Variants in KCNK2 observed in about 807,000 individuals in gnomAD.
The protein encoded by KCNK2 is potassium two pore domain channel subfamily K member 2.
KCNK2 carries 21 observed loss-of-function variants against 40.5 expected under a neutral mutation model. That is an observed-to-expected ratio of 0.52 (90% confidence interval 0.37 to 0.75). KCNK2 has a LOEUF of 0.75. KCNK2 is among the 30% of genes least tolerant of loss of function. The pLI is 0.00. For missense variants in KCNK2, 399 were observed against 531.6 expected (o/e 0.75, Z 2.45); for synonymous variants, 191 against 202.2 (o/e 0.94, Z 0.47).
At chr1:215,159,181 A>G (rs916241614) in intron 3 of KCNK2, among the ~76,000 whole-genome samples, 13 of 152,190 alleles carry the variant, frequency 8.5e-5, no homozygotes, top group African/African-American at 2.2e-4. Flanking sequence ...ATAAGAGCAG[A>G]TAAGAGACAA....
At chr1:215,143,387 G>C (rs1662272581) in intron 3 of KCNK2, among the ~76,000 whole-genome samples, 1 of 152,016 alleles carries the variant, frequency 6.6e-6, no homozygotes, top group South Asian at 2.1e-4. Flanking sequence ...GGTATCAGTG[G>C]GTTTTAAAAT....
Position 215,124,715 on chromosome 1 carries a change from CCTT to C in KCNK2, c.447_449del (p.Phe150del). The C allele has an allele frequency of 6.2e-7, 1 of 1,611,446 alleles. No homozygotes were observed. Among genetic ancestry groups the C allele is most frequent in the Non-Finnish European group, 8.5e-7 (1 of 1,177,686 alleles). On this transcript the variant is annotated inframe_deletion, in exon 3 of 7. Transcript: ENST00000444842. ...ATCAGTCACTGGGATTTGGGAAGTT[CCTT>C]CTTCTTTGCTGGCACTGTTATTACA...
rs2102525679 is a variant in KCNK2 at position 215,083,111 on chromosome 1, C to T, written c.-275C>T. On this transcript the variant is annotated 5_prime_UTR_variant, in exon 1 of 7. Coordinates refer to ENST00000444842, the MANE Select transcript of KCNK2 (RefSeq NM_001017425.3). ...CAGGCGCGCGCGGGGGCGGCGGCGCCCAAGCCCAACTTGGCCTCCGCCTCG... is the reference window on the plus strand; with the variant it reads ...CAGGCGCGCGCGGGGGCGGCGGCGCTCAAGCCCAACTTGGCCTCCGCCTCG... 2 of 569,386 alleles carry T rather than the reference C, an allele frequency of 3.5e-6. No individual in the cohort carries two copies. Among genetic ancestry groups the T allele is most frequent in the Non-Finnish European group, 5.8e-6 (2 of 343,450 alleles). 35.3% of individuals were successfully genotyped at this position (569,386 alleles called of 1,614,324 possible).
intron 3 of KCNK2, among the ~76,000 whole-genome samples, chr1:215,168,499 T>C (rs776581654): frequency 1.2e-4 from 19 of 152,158 alleles, no homozygotes; most frequent in Non-Finnish European, 2.1e-4. Context: ...GTGGTACATA[T>C]ACACCATGGA....
At chr1:215,143,156 A>G (rs771666759) in intron 3 of KCNK2, among the ~76,000 whole-genome samples, 1 of 152,030 alleles carries the variant, frequency 6.6e-6, no homozygotes, top group Non-Finnish European at 1.5e-5. Context: ...TTTAAATTGA[A>G]TTTCTAACAT....
chr1:215,229,889 T>A (rs926700200), intron 6 of KCNK2, among the ~76,000 whole-genome samples: 7 of 151,794 alleles, frequency 4.6e-5, no homozygotes, highest in African/African-American at 1.7e-4. Context: ...AAAAGATGTT[T>A]AGGCCTTAGA....
chr1:215,033,439 T>C (rs553174434), intron 1 of KCNK2, among the ~76,000 whole-genome samples: 119 of 152,286 alleles, frequency 7.8e-4, no homozygotes, highest in African/African-American at 2.7e-3. Context: ...ATGTGATTTT[T>C]TTTCTTGAAA....
At chr1:215,119,251 A>C (rs1661077523) in intron 2 of KCNK2, among the ~76,000 whole-genome samples, 1 of 152,158 alleles carries the variant, frequency 6.6e-6, no homozygotes, top group Admixed American at 6.5e-5. Context: ...AGTCCCATAT[A>C]CTTACAAGTA....
At chr1:215,078,529 C>T (rs906397699), upstream of KCNK2, among the ~76,000 whole-genome samples, 2 of 152,090 alleles carry the variant, frequency 1.3e-5, no homozygotes, top group African/African-American at 4.8e-5. Flanking sequence ...ATGCCAGATT[C>T]TTATAAAACC....
chr1:215,164,699 A>T (rs1306063770), intron 3 of KCNK2, among the ~76,000 whole-genome samples: 2 of 152,136 alleles, frequency 1.3e-5, no homozygotes, highest in East Asian at 3.9e-4. Flanking sequence ...TTCTACTCAG[A>T]TTCAGATCAC....
At chr1:215,191,537 G>A (rs888264500) in intron 5 of KCNK2, among the ~76,000 whole-genome samples, 3 of 152,064 alleles carry the variant, frequency 2.0e-5, no homozygotes, top group African/African-American at 7.2e-5. Flanking sequence ...CTCTGACTGA[G>A]TTCCTTACAC....
intron 2 of KCNK2, among the ~76,000 whole-genome samples, chr1:215,109,034 A>G (rs1470448189): frequency 6.6e-6 from 1 of 151,904 alleles, no homozygotes; most frequent in African/African-American, 2.4e-5. Context: ...TCATTCATAT[A>G]TATATGCATA....
At chr1:215,179,846 G>A (rs1664153416) in intron 5 of KCNK2, among the ~76,000 whole-genome samples, 1 of 152,104 alleles carries the variant, frequency 6.6e-6, no homozygotes, top group Non-Finnish European at 1.5e-5. Flanking sequence ...GTGGTTGATG[G>A]ATGGAGTATT....
chr1:215,037,002 CTT>C (rs3033912), intron 1 of KCNK2, among the ~76,000 whole-genome samples: 37 of 125,824 alleles, frequency 2.9e-4, no homozygotes, highest in African/African-American at 7.8e-4. Context: ...CCTTTTATTC[CTT>C]TTTTTTTTTT....
chr1:215,145,681 A>G (rs896889825), intron 3 of KCNK2, among the ~76,000 whole-genome samples: 1 of 152,196 alleles, frequency 6.6e-6, no homozygotes, highest in African/African-American at 2.4e-5. Context: ...TTATTGTTTG[A>G]TGCCAAGTCT....
At chr1:215,019,068 A>G (rs1656696578) in intron 1 of KCNK2, among the ~76,000 whole-genome samples, 1 of 152,116 alleles carries the variant, frequency 6.6e-6, no homozygotes, top group South Asian at 2.1e-4. Context: ...TGTCCTACGT[A>G]TCTGATAACA....
In KCNK2 at chr1:215,161,420, C is replaced by CT. The variant is rs372740342; in HGVS notation, c.476-7768dup. On this transcript the variant is annotated intron_variant, in intron 3 of 6. Transcript: ENST00000444842. ...GGGCTTGCTCTTTCTCCCTCTCTGT[C>CT]TTTTTTTTTTTAATTATACTTTAAG... Among the ~76,000 whole-genome samples the CT allele has an allele frequency of 5.1e-3, 739 of 145,878 alleles. 6 individuals carry two copies. The highest frequency in any genetic ancestry group is 0.016 in the African/African-American group (639 of 39,990).
intron 2 of KCNK2, among the ~76,000 whole-genome samples, chr1:215,110,657 A>AT (rs771071368): frequency 2.0e-5 from 3 of 152,132 alleles, no homozygotes; most frequent in African/African-American, 4.8e-5. Flanking sequence ...AATCCCAAAC[A>AT]TTTTTTTAAA....
At chr1:215,060,123 G>T (rs1234671465) in intron 1 of KCNK2, among the ~76,000 whole-genome samples, 1 of 152,160 alleles carries the variant, frequency 6.6e-6, no homozygotes, top group Non-Finnish European at 1.5e-5. Flanking sequence ...GAGCCAACAG[G>T]CCTGCCCTGG....
Sources: gnomAD v4.1 joint callset for allele counts (sites outside exome capture counted in the v4.1 genomes callset) on GRCh38, gnomAD v4.1.1 for gene constraint, MANE v1.5 for transcripts, NCBI Gene and HGNC (gene_info 2026-07-23, HGNC 2026-07-21) for gene names.